The following KHDRBS2 variants were observed in gnomAD, a reference collection of about 807,000 sequenced individuals.
The protein encoded by KHDRBS2 is KH RNA binding domain containing, signal transduction associated 2.
Under a neutral mutation model 44.3 loss-of-function variants are expected in KHDRBS2, and 26 were observed. The ratio of observed to expected loss-of-function variants is 0.59; its 90% CI spans 0.43 to 0.81. KHDRBS2 has a LOEUF of 0.81. Among genes scored for constraint, KHDRBS2 ranks in the 40% least tolerant of loss-of-function variants. The pLI is 0.00. For missense variants in KHDRBS2, 476 were observed against 433.1 expected, an observed-to-expected ratio of 1.10 and a Z score of -0.88; for synonymous variants, 194 against 151.1, an observed-to-expected ratio of 1.28 and a Z score of -2.08.
chr6:61,601,153 G>A, the KHDRBS2 span, among the ~76,000 whole-genome samples: 1 of 152,050 alleles, frequency 6.6e-6, no homozygotes, highest in Non-Finnish European at 1.5e-5. Flanking sequence ...GCCCAGGGCT[G>A]CTCACCCAAC....
chr6:61,703,874 G>T (rs555108429), intron 7 of KHDRBS2, among the ~76,000 whole-genome samples: 2 of 151,936 alleles, frequency 1.3e-5, no homozygotes, highest in South Asian at 2.1e-4. Flanking sequence ...CAGTACTGTT[G>T]TATTATCTGC....
chr6:61,572,547 T>A, the KHDRBS2 span, among the ~76,000 whole-genome samples: 2 of 152,072 alleles, frequency 1.3e-5, no homozygotes, highest in Non-Finnish European at 2.9e-5. Context: ...ATATCCCTGA[T>A]GAATACAGAT....
intron 2 of KHDRBS2, among the ~76,000 whole-genome samples, chr6:62,122,097 G>A (rs1256153166): frequency 1.3e-5 from 2 of 152,126 alleles, no homozygotes; most frequent in East Asian, 3.9e-4. Flanking sequence ...CAGAACAGAA[G>A]AAGGCTCTGC....
chr6:61,563,070 G>A, the KHDRBS2 span, among the ~76,000 whole-genome samples: 1 of 152,020 alleles, frequency 6.6e-6, no homozygotes, highest in East Asian at 1.9e-4. Context: ...TTCCAAGTTA[G>A]GAGAAGATAT....
the KHDRBS2 span, among the ~76,000 whole-genome samples, chr6:61,615,232 C>A: frequency 2.0e-4 from 1 of 5,068 alleles, no homozygotes. Context: ...GACTCCATCT[C>A]CAAAAAAAAA....
chr6:61,936,110 T>C (rs1414063402), intron 4 of KHDRBS2, among the ~76,000 whole-genome samples: 1 of 152,132 alleles, frequency 6.6e-6, no homozygotes, highest in Non-Finnish European at 1.5e-5. Flanking sequence ...TTTCAGTTTT[T>C]AGTCAAAACT....
intron 1 of KHDRBS2, among the ~76,000 whole-genome samples, chr6:62,219,834 A>G (rs1432624014): frequency 6.8e-6 from 1 of 147,732 alleles, no homozygotes; most frequent in African/African-American, 2.5e-5. Flanking sequence ...AGTATATATA[A>G]TTGTATATAT....
At chr6:61,983,892 T>C (rs1562582375) in intron 3 of KHDRBS2, among the ~76,000 whole-genome samples, 1 of 152,214 alleles carries the variant, frequency 6.6e-6, no homozygotes, top group Non-Finnish European at 1.5e-5. Context: ...TATTGTTTTT[T>C]AGCTACTTGC....
At chr6:62,201,907 A>T (rs540581332) in intron 1 of KHDRBS2, among the ~76,000 whole-genome samples, 2 of 152,176 alleles carry the variant, frequency 1.3e-5, no homozygotes, top group Admixed American at 6.6e-5. Flanking sequence ...TTTAGAGCAT[A>T]TGAAATATAT....
At chr6:62,235,842 T>C (rs759012938) in intron 1 of KHDRBS2, among the ~76,000 whole-genome samples, 1 of 152,080 alleles carries the variant, frequency 6.6e-6, no homozygotes, top group Non-Finnish European at 1.5e-5. Context: ...GTTAATTACA[T>C]TGAAAATAAT....
the KHDRBS2 span, among the ~76,000 whole-genome samples, chr6:61,595,730 T>G: frequency 6.6e-6 from 1 of 151,912 alleles, no homozygotes; most frequent in Non-Finnish European, 1.5e-5. Flanking sequence ...AATTTTTCAT[T>G]AATTAACAGA....
chr6:62,140,572 T>C (rs893530862), intron 2 of KHDRBS2, among the ~76,000 whole-genome samples: 3 of 152,232 alleles, frequency 2.0e-5, no homozygotes, highest in African/African-American at 7.2e-5. Flanking sequence ...ATAAGCTTTC[T>C]GAAATGTACA....
chr6:61,667,583 T>G, the KHDRBS2 span, among the ~76,000 whole-genome samples: 1 of 151,332 alleles, frequency 6.6e-6, no homozygotes, highest in Non-Finnish European at 1.5e-5. Context: ...ATCAGAAAGG[T>G]AAAGCCTGGC....
chr6:61,603,423 A>C, the KHDRBS2 span, among the ~76,000 whole-genome samples: 5 of 152,014 alleles, frequency 3.3e-5, no homozygotes, highest in African/African-American at 1.2e-4. Context: ...ACTGACCCTG[A>C]CACCCATCAG....
chr6:62,049,366 ATTT>A (rs1362808256), intron 2 of KHDRBS2, among the ~76,000 whole-genome samples: 5 of 151,960 alleles, frequency 3.3e-5, no homozygotes, highest in African/African-American at 1.2e-4. Context: ...GGCAAACCTT[ATTT>A]TGAGATCGAT....
At chr6:62,129,336 C>T (rs182338776) in intron 2 of KHDRBS2, among the ~76,000 whole-genome samples, 2 of 152,156 alleles carry the variant, frequency 1.3e-5, no homozygotes, top group East Asian at 3.9e-4. Context: ...ACTCTGACAA[C>T]ATCCATCACA....
intron 1 of KHDRBS2, among the ~76,000 whole-genome samples, chr6:62,252,263 G>T (rs537308129): frequency 3.3e-5 from 5 of 151,814 alleles, no homozygotes; most frequent in Non-Finnish European, 7.4e-5. Context: ...TACTTTTGGG[G>T]TCTTTATGCT....
chr6:61,793,040 C>T (rs181890962), intron 6 of KHDRBS2, among the ~76,000 whole-genome samples: 234 of 152,012 alleles, frequency 1.5e-3, no homozygotes, highest in Non-Finnish European at 2.8e-3. Flanking sequence ...TGATTAATAT[C>T]TTTAATTTTA....
chr6:61,943,932 A>G (rs1452982582), intron 4 of KHDRBS2, among the ~76,000 whole-genome samples: 1 of 152,198 alleles, frequency 6.6e-6, no homozygotes, highest in African/African-American at 2.4e-5. Context: ...ACATCAGGGA[A>G]ATGCAAATGA....
Sources: allele counts gnomAD v4.1 joint callset (sites outside exome capture counted in the v4.1 genomes callset), GRCh38; gene constraint gnomAD v4.1.1; transcripts MANE v1.5; gene names NCBI Gene and HGNC (gene_info 2026-07-23, HGNC 2026-07-21).